The following MACROD2 variants were observed in gnomAD, a reference collection of about 807,000 sequenced individuals.
MACROD2 encodes ADP-ribose glycohydrolase MACROD2.
MACROD2 carries 36 observed loss-of-function variants against 70.4 expected under a neutral mutation model. The ratio of observed to expected loss-of-function variants is 0.51; its 90% CI spans 0.39 to 0.68. The LOEUF is 0.68. Ranked by LOEUF, MACROD2 falls within the 30% of genes least tolerant of loss-of-function variation. The pLI is 0.00. For missense variants in MACROD2, 496 were observed against 538.4 expected (o/e 0.92, Z 0.78); for synonymous variants, 172 against 178.8 (o/e 0.96, Z 0.30).
chr20:15,711,872 C>G (rs939821626), intron 8 of MACROD2, among the ~76,000 whole-genome samples: 9 of 152,164 alleles, frequency 5.9e-5, no homozygotes, highest in African/African-American at 2.2e-4. Flanking sequence ...CAGGGGTGGG[C>G]ACCTGACAAC....
intron 5 of MACROD2, among the ~76,000 whole-genome samples, chr20:15,068,919 A>C (rs1443730129): frequency 6.6e-6 from 1 of 152,192 alleles, no homozygotes; most frequent in Non-Finnish European, 1.5e-5. Context: ...AAGGCTTAGA[A>C]AAAGACAGGA....
chr20:14,281,223 A>G (rs1414823898), intron 3 of MACROD2, among the ~76,000 whole-genome samples: 1 of 152,222 alleles, frequency 6.6e-6, no homozygotes, highest in African/African-American at 2.4e-5. Context: ...ATATCCATAC[A>G]ATGGAATTAT....
At chr20:14,651,156 T>C (rs1241260082) in intron 4 of MACROD2, among the ~76,000 whole-genome samples, 1 of 152,210 alleles carries the variant, frequency 6.6e-6, no homozygotes, top group Admixed American at 6.5e-5. Context: ...TATTACTCAT[T>C]ATGCACTGTG....
chr20:14,653,354 G>A (rs923250418), intron 4 of MACROD2, among the ~76,000 whole-genome samples: 4 of 151,952 alleles, frequency 2.6e-5, no homozygotes, highest in African/African-American at 9.7e-5. Flanking sequence ...GAGTAGCTGG[G>A]ACTACAGGCG....
intron 3 of MACROD2, among the ~76,000 whole-genome samples, chr20:14,233,293 A>T (rs959197951): frequency 6.6e-6 from 1 of 152,196 alleles, no homozygotes; most frequent in African/African-American, 2.4e-5. Flanking sequence ...GATGTGCTTG[A>T]TGCAGCGTTG....
intron 3 of MACROD2, among the ~76,000 whole-genome samples, chr20:14,366,695 T>A (rs1331832643): frequency 1.3e-5 from 2 of 152,188 alleles, no homozygotes; most frequent in Middle Eastern, 3.2e-3. Context: ...CTATTTTATC[T>A]GATTTTAGAA....
chr20:14,278,800 A>G (rs2082280347), intron 3 of MACROD2, among the ~76,000 whole-genome samples: 1 of 152,194 alleles, frequency 6.6e-6, no homozygotes, highest in African/African-American at 2.4e-5. Context: ...CCTCATGAGT[A>G]CATCAGAAAA....
At chr20:14,471,253 C>T (rs6110303) in intron 3 of MACROD2, among the ~76,000 whole-genome samples, 1 of 151,754 alleles carries the variant, frequency 6.6e-6, no homozygotes, top group Admixed American at 6.6e-5. Flanking sequence ...TGGGCTGCAC[C>T]TACTGTCTAA....
intron 10 of MACROD2, among the ~76,000 whole-genome samples, chr20:15,923,705 TAC>T (rs2065446635): frequency 6.6e-6 from 1 of 151,166 alleles, no homozygotes. Flanking sequence ...ATTTCCAAGT[TAC>T]TCCTTTAGAA....
chr20:15,161,469 C>G (rs893932127), intron 5 of MACROD2, among the ~76,000 whole-genome samples: 2 of 151,660 alleles, frequency 1.3e-5, no homozygotes, highest in African/African-American at 4.8e-5. Flanking sequence ...TTAAAATCTT[C>G]GTGTGTTTCT....
intron 15 of MACROD2, among the ~76,000 whole-genome samples, chr20:16,036,729 C>G (rs2067241578): frequency 6.6e-6 from 1 of 151,986 alleles, no homozygotes; most frequent in African/African-American, 2.4e-5. Context: ...AGGATAGTAC[C>G]AGTTCCACAT....
At chr20:15,397,832 G>T (rs947123909) in intron 6 of MACROD2, among the ~76,000 whole-genome samples, 7 of 152,000 alleles carry the variant, frequency 4.6e-5, no homozygotes, top group African/African-American at 1.7e-4. Context: ...AATAGCAGGG[G>T]TATCTTCACC....
intron 7 of MACROD2, among the ~76,000 whole-genome samples, chr20:15,447,049 T>TGG (rs1446029847): frequency 9.4e-6 from 1 of 106,174 alleles, no homozygotes; most frequent in East Asian, 2.6e-4. Flanking sequence ...CCTAAGAGTG[T>TGG]GCGTGTGTGT....
At chr20:14,285,389 T>A (rs762016596) in intron 3 of MACROD2, among the ~76,000 whole-genome samples, 3 of 152,226 alleles carry the variant, frequency 2.0e-5, no homozygotes, top group Non-Finnish European at 4.4e-5. Context: ...CCACTTGTGA[T>A]GTCATGTTGG....
intron 5 of MACROD2, among the ~76,000 whole-genome samples, chr20:15,106,631 G>A (rs911538691): frequency 6.6e-6 from 1 of 152,068 alleles, no homozygotes; most frequent in African/African-American, 2.4e-5. Flanking sequence ...CTCCTAGCGT[G>A]GAACAGCGTG....
chr20:14,038,410 A>G (rs1352174201), intron 2 of MACROD2, among the ~76,000 whole-genome samples: 2 of 152,262 alleles, frequency 1.3e-5, no homozygotes, highest in Non-Finnish European at 2.9e-5. Flanking sequence ...TGAAGTAAGT[A>G]CAATTATTAT....
chr20:14,948,293 A>G (rs1333462423), intron 5 of MACROD2, among the ~76,000 whole-genome samples: 2 of 152,042 alleles, frequency 1.3e-5, no homozygotes, highest in African/African-American at 4.8e-5. Context: ...TGAACCAAAT[A>G]TTTTCATTTC....
chr20:14,366,342 A>C (rs1012486708), intron 3 of MACROD2, among the ~76,000 whole-genome samples: 2 of 147,082 alleles, frequency 1.4e-5, no homozygotes, highest in Non-Finnish European at 3.0e-5. Context: ...ACTTTTATCT[A>C]TATATAGTGT....
chr20:15,657,182 G>C (rs555061299), intron 8 of MACROD2, among the ~76,000 whole-genome samples: 3 of 152,306 alleles, frequency 2.0e-5, no homozygotes, highest in East Asian at 3.9e-4. Flanking sequence ...ATTATCCAAT[G>C]CTGAGTAAAA....
Sources: gnomAD v4.1 joint callset for allele counts (sites outside exome capture counted in the v4.1 genomes callset) on GRCh38, gnomAD v4.1.1 for gene constraint, MANE v1.5 for transcripts, NCBI Gene and HGNC (gene_info 2026-07-23, HGNC 2026-07-21) for gene names.